Variants in ANKRD40 observed in about 807,000 individuals in gnomAD.
ANKRD40 encodes the protein ankyrin repeat domain-containing protein 40.
In ANKRD40, 24 loss-of-function variants were observed where a neutral mutation model predicts 35.5. The observed-to-expected ratio is 0.68, with a 90% CI of 0.49 to 0.95. ANKRD40 has a LOEUF of 0.95. ANKRD40 is among the 40% of genes least tolerant of loss of function. The pLI, the probability that ANKRD40 is intolerant of heterozygous loss-of-function variation, is 0.00. For missense variants in ANKRD40, 361 were observed against 436.0 expected, an observed-to-expected ratio of 0.83 and a Z score of 1.53; for synonymous variants, 147 against 173.5, an observed-to-expected ratio of 0.85 and a Z score of 1.20.
At chr17:50,704,445 G>A (rs1968305075) in intron 1 of ANKRD40, among the ~76,000 whole-genome samples, 1 of 151,024 alleles carries the variant, frequency 6.6e-6, no homozygotes. Context: ...GAACCCAGGA[G>A]GTGGAGGATG....
In ANKRD40 at chr17:50,707,464, G is replaced by A; in HGVS notation, c.134+57C>T. On this transcript the variant is annotated intron_variant, in intron 1 of 4. Coordinates refer to ENST00000285243, the MANE Select transcript of ANKRD40 (RefSeq NM_052855.4). This position sits in a 1 kb window ranked among gnomAD's most constrained non-coding sequence, Gnocchi z 4.8. The stretch of plus-strand genomic sequence containing the variant: ...CGCTGGGCCCAGGTCGCGACTGACT[G>A]CCCCACGCCTTCCGACCGGCTGCCC... The A allele has an allele frequency of 6.4e-7, 1 of 1,572,340 alleles. No individual in the cohort carries two copies. Among genetic ancestry groups the A allele is most frequent in the Non-Finnish European group, 8.6e-7 (1 of 1,160,262 alleles).
intron 4 of ANKRD40, chr17:50,696,725 C>T (rs1000960394): frequency 1.3e-5 from 5 of 374,746 alleles, no homozygotes; most frequent in African/African-American, 2.4e-5. Context: ...GTCTTTGTTC[C>T]TTCTCCACTC....
intron 1 of ANKRD40, among the ~76,000 whole-genome samples, chr17:50,704,801 A>C (rs1257716585): frequency 6.6e-6 from 1 of 152,190 alleles, no homozygotes; most frequent in East Asian, 1.9e-4. Flanking sequence ...ACAAGCTAAC[A>C]CATGTAAAAC....
At position 50,696,114 on chromosome 17, in the gene ANKRD40, G is replaced by C. The variant is rs1326455689; in HGVS notation, c.990C>G (p.Phe330Leu). The change falls in exon 5 of 5, where the codon TTC becomes TTG. Residue 330 changes from phenylalanine (F) to leucine (L), a missense_variant. By Grantham distance (22) the Phe-to-Leu change is conservative. Around this residue, in one of 5 missense-constraint regions of ANKRD40, gnomAD observed 93 missense variants for 129.6 expected, o/e 0.72. Transcript: ENST00000285243. ...TCATCAGAACCAGTTCCAGCTCCTG[G>C]AAATCTTGGAGTCGAGCAACATCCT... is the stretch of plus-strand genomic sequence containing the variant. ...KDKDVARLQD[F>L]QELELVLMIS... The C allele has an allele frequency of 1.2e-6, 2 of 1,614,058 alleles. No individual in the cohort carries two copies. The highest frequency in any genetic ancestry group is 3.3e-4 in the Middle Eastern group (2 of 6,060).
intron 1 of ANKRD40, among the ~76,000 whole-genome samples, chr17:50,702,399 C>CAA (rs201226718): frequency 2.6e-4 from 36 of 140,386 alleles, no homozygotes; most frequent in Non-Finnish European, 2.9e-4. Context: ...GACTCCATCT[C>CAA]AAAAAAAAAA....
intron 3 of ANKRD40, among the ~76,000 whole-genome samples, chr17:50,698,669 AATAGTACAG>A (rs1968227868): frequency 2.0e-5 from 3 of 152,212 alleles, no homozygotes; most frequent in Admixed American, 6.5e-5. Flanking sequence ...GATAGATATC[AATAGTACAG>A]ATAGTACTAT....
intron 1 of ANKRD40, among the ~76,000 whole-genome samples, chr17:50,705,108 G>A (rs1400478931): frequency 7.2e-5 from 9 of 125,708 alleles, no homozygotes; most frequent in Non-Finnish European, 9.8e-5. Flanking sequence ...GCGAGAGTGC[G>A]AGACTCTGTC....
chr17:50,700,467 A>T, intron 2 of ANKRD40, 101 bp downstream of exon 2: 1 of 1,260,408 alleles, frequency 7.9e-7, no homozygotes. Context: ...AAAAGAAAGA[A>T]ATAGAGCAGT....
In ANKRD40 at chr17:50,707,476, C is replaced by T. The variant is rs766319929; in HGVS notation, c.134+45G>A. 3 of 1,583,094 alleles carry T rather than the reference C, an allele frequency of 1.9e-6. No homozygotes were observed. The highest frequency in any genetic ancestry group is 2.6e-6 in the Non-Finnish European group (3 of 1,165,344). On this transcript the variant is annotated intron_variant, in intron 1 of 4. Transcript: ENST00000285243. The surrounding 1 kb of genome is among the most constrained non-coding windows in gnomAD (Gnocchi z 4.8). ...GTCGCGACTGACTGCCCCACGCCTTCCGACCGGCTGCCCTGACCCTAGGCC... is the reference window on the plus strand; with the variant it reads ...GTCGCGACTGACTGCCCCACGCCTTTCGACCGGCTGCCCTGACCCTAGGCC...
intron 3 of ANKRD40, among the ~76,000 whole-genome samples, chr17:50,697,869 TGA>T (rs1484768893): frequency 2.6e-5 from 4 of 152,166 alleles, no homozygotes; most frequent in Admixed American, 6.5e-5. Context: ...AAACAGGAAG[TGA>T]GAGAGTTACT....
intron 1 of ANKRD40, among the ~76,000 whole-genome samples, chr17:50,704,533 A>C (rs1426078208): frequency 1.3e-5 from 2 of 151,458 alleles, no homozygotes; most frequent in Non-Finnish European, 2.9e-5. Flanking sequence ...AAAAAAAAAA[A>C]AAAAACCTAT....
intron 1 of ANKRD40, among the ~76,000 whole-genome samples, chr17:50,704,317 C>T (rs984818396): frequency 2.0e-5 from 3 of 151,920 alleles, no homozygotes; most frequent in African/African-American, 4.8e-5. Context: ...GAGTTCGAGA[C>T]CAGCTTGGCT....
At chr17:50,697,586 C>CA (rs1968215977) in intron 3 of ANKRD40, among the ~76,000 whole-genome samples, 1 of 152,110 alleles carries the variant, frequency 6.6e-6, no homozygotes, top group Non-Finnish European at 1.5e-5. Context: ...AAACTCCTTG[C>CA]AAAAAAGACA....
At position 50,696,954 on chromosome 17, in the gene ANKRD40, T is replaced by G; in HGVS notation, c.946A>C (p.Thr316Pro). The change falls in exon 4 of 5, where the codon ACT (threonine) becomes CCT (proline). Residue 316 changes from threonine to proline, a missense_variant. By Grantham distance (38) the Thr-to-Pro change is conservative. Around this residue, in one of 5 missense-constraint regions of ANKRD40, gnomAD observed 93 missense variants for 129.6 expected, o/e 0.72. Coordinates refer to ENST00000285243, the MANE Select transcript of ANKRD40 (RefSeq NM_052855.4). ...ACTTTTCTTACCTTCCTTAACAGAG[T>G]ATTGGGTAACTTTCTGATCTTCTCC... ...QVEKIRKLPN[T>P]LLRKDKDVAR... 6.2e-7 allele frequency: 1 copy of G among 1,607,498 alleles called. No individual in the cohort carries two copies. Among genetic ancestry groups the G allele is most frequent in the Non-Finnish European group, 8.5e-7 (1 of 1,177,432 alleles).
chr17:50,705,362 G>C (rs1167846986), intron 1 of ANKRD40, among the ~76,000 whole-genome samples: 1 of 149,452 alleles, frequency 6.7e-6, no homozygotes, highest in Admixed American at 6.7e-5. Context: ...TCACAGCTTT[G>C]AACCAGAGGA....
At chr17:50,700,445 G>GAA (rs879249092) in intron 2 of ANKRD40, 123 bp downstream of exon 2, 1,360 of 794,964 alleles carry the variant, frequency 1.7e-3, no homozygotes, top group South Asian at 2.4e-3. Context: ...CTCCGTCTCG[G>GAA]AAAAAAAAAA....
In ANKRD40 at chr17:50,707,146, C is replaced by G. The variant is rs1000357228; in HGVS notation, c.134+375G>C. The stretch of plus-strand genomic sequence containing the variant: ...TGCTTTTAGCTCTGCAAGATGCGTT[C>G]TCCAGAAGCACCTACGGCAAATTAA... On this transcript the variant is annotated intron_variant, in intron 1 of 4. Coordinates refer to ENST00000285243, the MANE Select transcript of ANKRD40 (RefSeq NM_052855.4). The surrounding 1 kb of genome is among the most constrained non-coding windows in gnomAD (Gnocchi z 4.8). Among the ~76,000 whole-genome samples the G allele has an allele frequency of 6.6e-6, 1 of 152,130 alleles. No homozygotes were observed. Among genetic ancestry groups the G allele is most frequent in the African/African-American group, 2.4e-5 (1 of 41,414 alleles).
At chr17:50,704,820 C>T (rs1277552958) in intron 1 of ANKRD40, among the ~76,000 whole-genome samples, 1 of 151,942 alleles carries the variant, frequency 6.6e-6, no homozygotes, top group East Asian at 1.9e-4. Flanking sequence ...ACACTTAGAA[C>T]CCTATCTGAG....
Position 50,695,824 on chromosome 17 carries a change from A to G in ANKRD40, c.*173T>C. 1.5e-6 allele frequency: 1 copy of G among 648,750 alleles called. No individual in the cohort carries two copies. Among genetic ancestry groups the G allele is most frequent in the South Asian group, 2.8e-5 (1 of 35,918 alleles). The allele number at this position is 648,750 out of a possible 1,614,324, so 40.2% of individuals were successfully genotyped here. A position where few individuals can be genotyped will look rare whatever the true frequency, so the allele number is the denominator to read the frequency against. On this transcript the variant is annotated 3_prime_UTR_variant, in exon 5 of 5. Transcript: ENST00000285243. ...GCACCAAGAGGCTTGGAAGAGTGGC[A>G]CCACTGCTTGGGGGTCAGGGGCTTC...
Sources: allele counts gnomAD v4.1 joint callset (sites outside exome capture counted in the v4.1 genomes callset), GRCh38; gene constraint gnomAD v4.1.1; regional missense constraint gnomAD v4.1.1; non-coding constraint Gnocchi (gnomAD v3.1); transcripts MANE v1.5; gene names NCBI Gene and HGNC (gene_info 2026-07-23, HGNC 2026-07-21).